Variants in CALB2 observed in about 807,000 individuals in gnomAD.
CALB2 encodes calbindin 2, also known as calretinin.
CALB2 carries 34 observed loss-of-function variants against 45.9 expected under a neutral mutation model. The observed-to-expected ratio is 0.74, with a 90% CI of 0.56 to 0.99. The LOEUF (loss-of-function observed/expected upper bound fraction) is 0.99, where lower values mean the gene tolerates loss of function less well. Ranked by LOEUF, CALB2 falls within the 50% of genes least tolerant of loss-of-function variation. The probability of loss-of-function intolerance (pLI) is 0.00; values close to 1 mark genes in which losing one functional copy is unlikely to be tolerated. For synonymous variants in CALB2, 142 were observed against 129.6 expected (o/e 1.10, Z -0.65); for missense variants, 344 against 339.3 (o/e 1.01, Z -0.11).
chr16:71,376,308 G>C (rs1343594512), intron 3 of CALB2, among the ~76,000 whole-genome samples: 1 of 152,186 alleles, frequency 6.6e-6, no homozygotes, highest in Non-Finnish European at 1.5e-5. Flanking sequence ...CTTACCATGA[G>C]AGGCTTCTAA....
At chr16:71,364,189 G>A (rs368460439) in intron 1 of CALB2, among the ~76,000 whole-genome samples, 1 of 152,158 alleles carries the variant, frequency 6.6e-6, no homozygotes, top group Non-Finnish European at 1.5e-5. Context: ...AGCCGGCAGC[G>A]GGGAGCAGCT....
At chr16:71,367,475 T>C (rs1410026887) in intron 1 of CALB2, among the ~76,000 whole-genome samples, 1 of 152,110 alleles carries the variant, frequency 6.6e-6, no homozygotes, top group African/African-American at 2.4e-5. Flanking sequence ...TTCCTGCAGA[T>C]GGATGGGGAG....
intron 4 of CALB2, among the ~76,000 whole-genome samples, chr16:71,381,207 TTGG>T (rs2042487497): frequency 6.6e-6 from 1 of 152,224 alleles, no homozygotes; most frequent in African/African-American, 2.4e-5. Flanking sequence ...CTGCGAGTTG[TTGG>T]TGAAGTCATA....
chr16:71,385,681 C>A (rs754824166), intron 10 of CALB2, 33 bp downstream of exon 10: 9 of 1,587,832 alleles, frequency 5.7e-6, no homozygotes, highest in Non-Finnish European at 6.9e-6. Flanking sequence ...CGGCCACTGT[C>A]CCCAGGGCAC....
intron 4 of CALB2, among the ~76,000 whole-genome samples, chr16:71,381,064 C>T (rs569351256): frequency 2.0e-5 from 3 of 152,270 alleles, no homozygotes; most frequent in Admixed American, 1.3e-4. Context: ...GGAAAGCAGC[C>T]GCTGGTGCTT....
intron 10 of CALB2, 117 bp downstream of exon 10, chr16:71,385,765 C>A (rs1024874107): frequency 2.9e-5 from 19 of 655,702 alleles, no homozygotes; most frequent in Non-Finnish European, 2.7e-5. Flanking sequence ...TCTGCCACAG[C>A]AAGGCAATAG....
Position 71,389,961 on chromosome 16 carries a change from C to A in CALB2, c.*96C>A. The A allele has an allele frequency of 1.3e-6, 1 of 775,774 alleles. No homozygotes were observed. The highest frequency in any genetic ancestry group is 2.2e-6 in the Non-Finnish European group (1 of 444,606). The allele number at this position is 775,774 out of a possible 1,614,324, so 48.1% of individuals were successfully genotyped here. On this transcript the variant is annotated 3_prime_UTR_variant, in exon 11 of 11. Transcript: ENST00000302628. ...CTCAGAGACCGTGAGCGCCCCGCCC[C>A]CACCCCTACAGCCTGCACACACCTG...
In CALB2 at chr16:71,384,892, A is replaced by G. The variant is rs2042552761; in HGVS notation, c.627+56A>G. The G allele has an allele frequency of 6.2e-6, 9 of 1,461,080 alleles. No individual in the cohort carries two copies. In the South Asian group the frequency reaches 1.0e-4, roughly 17 times the overall value. The allele number at this position is 1,461,080 out of a possible 1,614,324, so 90.5% of individuals were successfully genotyped here. ...ATCAGAAGCCCATCAGCCCGTCCAG[A>G]AGGGCTCAGCTTCATCCCTGGGAAG... is the stretch of plus-strand genomic sequence containing the variant. On this transcript the variant is annotated intron_variant, in intron 9 of 10. Coordinates refer to ENST00000302628, the MANE Select transcript of CALB2 (RefSeq NM_001740.5).
At chr16:71,382,609 C>T (rs970095198) in intron 4 of CALB2, 110 bp from the exon 5 acceptor site, 35 of 998,856 alleles carry the variant, frequency 3.5e-5, no homozygotes, top group South Asian at 7.5e-5. Context: ...CATCCCATTC[C>T]GATATTCTTG....
rs746043048 is a variant in CALB2 at position 71,390,326 on chromosome 16, C to G, written c.*461C>G. 6.5e-6 allele frequency: 1 copy of G among 154,868 alleles called. No homozygotes were observed. The highest frequency in any genetic ancestry group is 1.4e-5 in the Non-Finnish European group (1 of 69,928). 9.6% of individuals were successfully genotyped at this position (154,868 alleles called of 1,614,324 possible). A position where few individuals can be genotyped will look rare whatever the true frequency, so the allele number is the denominator to read the frequency against. ...CTCCTGTGTGTGGAAGGCACCCGCC[C>G]TTTCCTTGCCTTCTTTACTCGGCGT... On this transcript the variant is annotated 3_prime_UTR_variant, in exon 11 of 11. Transcript: ENST00000302628.
chr16:71,369,778 C>G (rs568442869), intron 1 of CALB2, among the ~76,000 whole-genome samples: 4,195 of 151,964 alleles, frequency 0.028, 195 homozygotes, highest in African/African-American at 0.095. Flanking sequence ...ACAAAGCCTC[C>G]GAGAAGAATG....
intron 10 of CALB2, among the ~76,000 whole-genome samples, chr16:71,389,265 A>G (rs2042608749): frequency 6.6e-6 from 1 of 152,064 alleles, no homozygotes; most frequent in Non-Finnish European, 1.5e-5. Context: ...GCTAGAAGGC[A>G]AGACCAGGGA....
At chr16:71,363,018 T>A (rs6499509) in intron 1 of CALB2, among the ~76,000 whole-genome samples, 5 of 149,970 alleles carry the variant, frequency 3.3e-5, no homozygotes, top group African/African-American at 1.2e-4. Flanking sequence ...CCCCTCCCCC[T>A]ACTACAAATT....
At chr16:71,376,170 C>T (rs1195497587) in intron 3 of CALB2, among the ~76,000 whole-genome samples, 2 of 152,176 alleles carry the variant, frequency 1.3e-5, no homozygotes, top group Non-Finnish European at 2.9e-5. Context: ...CAGTCTCTGC[C>T]ACAGCTCTTC....
chr16:71,380,292 C>CTTTTTTTTTT lies in CALB2; in HGVS notation c.343-2401_343-2392dup, dbSNP rs544138378. Among the ~76,000 whole-genome samples the CTTTTTTTTTT allele has an allele frequency of 3.7e-4, 16 of 43,822 alleles. 1 individual carries two copies. Among genetic ancestry groups the CTTTTTTTTTT allele is most frequent in the East Asian group, 1.2e-3 (1 of 844 alleles). The allele number at this position is 43,822 out of a possible 152,430, so 28.7% of individuals were successfully genotyped here. A position where few individuals can be genotyped will look rare whatever the true frequency, so the allele number is the denominator to read the frequency against. On this transcript the variant is annotated intron_variant, in intron 4 of 10. Transcript: ENST00000302628. ...CTTTCTTTCTTCTTTCCTTCCTTTTCTTTTTTTTTTTTTTTTTTTTTTTTT... is the reference window on the plus strand; with the variant it reads ...CTTTCTTTCTTCTTTCCTTCCTTTTCTTTTTTTTTTTTTTTTTTTTTTTTTTTTTTTTTTT...
intron 1 of CALB2, among the ~76,000 whole-genome samples, chr16:71,363,808 A>G (rs1189390807): frequency 2.0e-5 from 3 of 152,208 alleles, no homozygotes; most frequent in African/African-American, 4.8e-5. Flanking sequence ...TAATCATAGG[A>G]TTTATCAAAA....
chr16:71,362,292 G>A (rs957927166), intron 1 of CALB2, among the ~76,000 whole-genome samples: 1 of 152,200 alleles, frequency 6.6e-6, no homozygotes, highest in Admixed American at 6.5e-5. Flanking sequence ...GAGCAGCAAA[G>A]TTGTGGCTCC....
intron 1 of CALB2, among the ~76,000 whole-genome samples, chr16:71,361,500 C>T (rs186061008): frequency 1.7e-4 from 26 of 152,258 alleles, no homozygotes; most frequent in African/African-American, 6.3e-4. Context: ...AAGAGTACCC[C>T]CTACCACTCA....
At chr16:71,371,614 G>A (rs1379276883) in intron 1 of CALB2, among the ~76,000 whole-genome samples, 1 of 152,074 alleles carries the variant, frequency 6.6e-6, no homozygotes, top group Admixed American at 6.5e-5. Context: ...TCTTCTTCCT[G>A]GGTCTCTGTG....
Sources: allele counts gnomAD v4.1 joint callset (sites outside exome capture counted in the v4.1 genomes callset), GRCh38; gene constraint gnomAD v4.1.1; transcripts MANE v1.5; gene names NCBI Gene and HGNC (gene_info 2026-07-23, HGNC 2026-07-21).